Variants in LAYN observed in about 807,000 individuals in gnomAD.
LAYN encodes layilin.
Under a neutral mutation model 43.6 loss-of-function variants are expected in LAYN, and 38 were observed. That is an observed-to-expected ratio of 0.87 (90% CI 0.67 to 1.14). LAYN has a LOEUF of 1.14. LAYN is among the 50% of genes most tolerant of loss of function. LAYN has a pLI of 0.00. For missense variants in LAYN, 479 were observed against 463.8 expected, an observed-to-expected ratio of 1.03 and a Z score of -0.30; for synonymous variants, 168 against 172.9, an observed-to-expected ratio of 0.97 and a Z score of 0.22.
intron 3 of LAYN, among the ~76,000 whole-genome samples, chr11:111,553,715 T>TACACACAC (rs60878342): frequency 0.022 from 3,026 of 140,430 alleles, 46 homozygotes; most frequent in African/African-American, 0.029. Flanking sequence ...ACATCACCTA[T>TACACACAC]ACACACACAC....
chr11:111,557,279 A>G (rs1009662398), intron 5 of LAYN, among the ~76,000 whole-genome samples: 2 of 152,256 alleles, frequency 1.3e-5, no homozygotes, highest in African/African-American at 2.4e-5. Context: ...GTAATAGGAC[A>G]GGTAGAAAAT....
At chr11:111,552,924 G>A (rs1163073283) in intron 3 of LAYN, among the ~76,000 whole-genome samples, 2 of 152,008 alleles carry the variant, frequency 1.3e-5, no homozygotes, top group African/African-American at 2.4e-5. Context: ...TCGTTAGAAT[G>A]TGTTTGGTTG....
In LAYN at chr11:111,561,578, G is replaced by A. The variant is rs1867958735; in HGVS notation, c.*1120G>A. ...CTCAAATTCAGAGAAAAGTTTCTCA[G>A]CCCAGCATCAATCATATACACATTG... On this transcript the variant is annotated 3_prime_UTR_variant, in exon 7 of 7. Coordinates refer to ENST00000375614, the MANE Select transcript of LAYN (RefSeq NM_178834.5). 1.3e-5 allele frequency: 2 copies of A among 152,128 alleles called. No individual in the cohort carries two copies. Among genetic ancestry groups the A allele is most frequent in the Non-Finnish European group, 2.9e-5 (2 of 68,020 alleles). The allele number at this position is 152,128 out of a possible 1,614,324, so 9.4% of individuals were successfully genotyped here.
intron 5 of LAYN, among the ~76,000 whole-genome samples, chr11:111,556,971 A>C (rs1242795185): frequency 6.6e-6 from 1 of 152,182 alleles, no homozygotes; most frequent in East Asian, 1.9e-4. Flanking sequence ...AAATGTCAGA[A>C]AGGTTTTACA....
intron 2 of LAYN, among the ~76,000 whole-genome samples, chr11:111,545,411 C>G (rs114220458): frequency 6.6e-6 from 1 of 152,120 alleles, no homozygotes; most frequent in East Asian, 1.9e-4. Flanking sequence ...GTTGCCTTGC[C>G]CTTATCATGC....
chr11:111,560,460 A>T lies in LAYN; in HGVS notation c.*2A>T, dbSNP rs759317614. 1 of 1,593,006 alleles carries T rather than the reference A, an allele frequency of 6.3e-7. No individual in the cohort carries two copies. Among genetic ancestry groups the T allele is most frequent in the South Asian group, 1.1e-5 (1 of 87,418 alleles). On this transcript the variant is annotated 3_prime_UTR_variant, in exon 7 of 7. Transcript: ENST00000375614. ...GAAAATGAAATATATGGTTATTAGG[A>T]CATATAAAAAACTGAAACTGACAAC...
intron 6 of LAYN, among the ~76,000 whole-genome samples, chr11:111,558,618 T>C (rs902127722): frequency 6.6e-6 from 1 of 152,034 alleles, no homozygotes; most frequent in Non-Finnish European, 1.5e-5. Flanking sequence ...CTTTCCTGAC[T>C]CTCTGTTTTG....
At chr11:111,541,416 C>T in intron 1 of LAYN, 1 of 728,304 alleles carries the variant, frequency 1.4e-6, no homozygotes, top group Non-Finnish European at 2.4e-6. Flanking sequence ...TACTCCTCGT[C>T]TCTTCTGCGG....
chr11:111,560,246 A>C lies in LAYN; in HGVS notation c.913A>C (p.Ile305Leu). 6.2e-7 allele frequency: 1 copy of C among 1,614,190 alleles called. No individual in the cohort carries two copies. Among genetic ancestry groups the C allele is most frequent in the Non-Finnish European group, 8.5e-7 (1 of 1,180,020 alleles). Residue 305 changes from isoleucine to leucine, a missense_variant, in exon 7 of 7, where the codon ATT (isoleucine) becomes CTT (leucine). Ile to Leu is a conservative substitution (Grantham distance 5, BLOSUM62 2). Coordinates refer to ENST00000375614, the MANE Select transcript of LAYN (RefSeq NM_178834.5). ...TGAGACCCGGCCAGACCTGAAGAATATTTCATTCCGAGTGTGTTCGGGAGA... is the reference window on the plus strand; with the variant it reads ...TGAGACCCGGCCAGACCTGAAGAATCTTTCATTCCGAGTGTGTTCGGGAGA... ...LAETRPDLKN[I>L]SFRVCSGEAT...
chr11:111,553,068 C>G (rs1444888435), intron 3 of LAYN, among the ~76,000 whole-genome samples: 1 of 151,954 alleles, frequency 6.6e-6, no homozygotes, highest in Non-Finnish European at 1.5e-5. Context: ...CTGTGAAACC[C>G]CGTCTCTACT....
intron 5 of LAYN, 107 bp downstream of exon 5, chr11:111,555,397 T>C (rs1280340837): frequency 2.6e-6 from 2 of 775,542 alleles, no homozygotes; most frequent in Non-Finnish European, 4.3e-6. Context: ...TACCTAAAAA[T>C]AGAACTAGAC....
chr11:111,541,058 C>G, intron 1 of LAYN, 130 bp downstream of exon 1: 3 of 821,802 alleles, frequency 3.7e-6, no homozygotes, highest in Non-Finnish European at 5.6e-6. Context: ...CCAGACGCAG[C>G]CCTTCGGAGT....
At chr11:111,553,197 C>T (rs990449744) in intron 3 of LAYN, among the ~76,000 whole-genome samples, 1 of 151,432 alleles carries the variant, frequency 6.6e-6, no homozygotes, top group Admixed American at 6.6e-5. Context: ...GAGCCGAGAT[C>T]GCGCCACTGG....
Position 111,560,205 on chromosome 11 carries a change from G to T in LAYN, c.872G>T (p.Ser291Ile). The change falls in exon 7 of 7, where the codon AGC (serine) becomes ATC (isoleucine). Residue 291 changes from serine (S) to isoleucine (I), a missense_variant. Physicochemically the swap from Ser to Ile is moderately radical, Grantham distance 142 (BLOSUM62 -2). Transcript: ENST00000375614. The part of the protein sequence containing the change: ...LEVYNVIRKQ[S>I]EADLAETRPD... ...GTCTACAATGTCATAAGAAAACAAA[G>T]CGAAGCTGACTTAGCTGAGACCCGG... 1.9e-6 allele frequency: 3 copies of T among 1,614,216 alleles called. No homozygotes were observed. The highest frequency in any genetic ancestry group is 2.5e-6 in the Non-Finnish European group (3 of 1,180,042).
At chr11:111,549,994 G>A (rs1867715813) in intron 3 of LAYN, among the ~76,000 whole-genome samples, 1 of 152,212 alleles carries the variant, frequency 6.6e-6, no homozygotes, top group South Asian at 2.1e-4. Context: ...GTTAAGAGAA[G>A]GGATGAGAAA....
chr11:111,549,135 C>T (rs1591566653), intron 2 of LAYN, among the ~76,000 whole-genome samples: 2 of 152,314 alleles, frequency 1.3e-5, no homozygotes, highest in East Asian at 3.9e-4. Flanking sequence ...ATGTCTTGCT[C>T]ATGTGCTTGA....
chr11:111,557,587 T>G lies in LAYN; in HGVS notation c.705T>G (p.Leu235=), dbSNP rs944848508. 5 of 1,614,086 alleles carry G rather than the reference T, an allele frequency of 3.1e-6. No individual in the cohort carries two copies. The highest frequency in any genetic ancestry group is 4.2e-6 in the Non-Finnish European group (5 of 1,180,042). ...ACATCCTAATCCCCAGCATTCCCCTTCTCCTCCTCCTTGTGGTCACCACAG... is the reference window on the plus strand; with the variant it reads ...ACATCCTAATCCCCAGCATTCCCCTGCTCCTCCTCCTTGTGGTCACCACAG... ...LAYILIPSIP[L]LLLLVVTTVV... is the part of the protein sequence containing the mutation. Residue 235 remains leucine (L), a synonymous_variant, in exon 6 of 7, where the codon CTT becomes CTG. Transcript: ENST00000375614.
At chr11:111,553,715 T>TACATAC (rs1867783328) in intron 3 of LAYN, among the ~76,000 whole-genome samples, 1 of 140,398 alleles carries the variant, frequency 7.1e-6, no homozygotes, top group South Asian at 2.4e-4. Flanking sequence ...ACATCACCTA[T>TACATAC]ACACACACAC....
At chr11:111,544,858 A>G (rs1025911290) in intron 2 of LAYN, among the ~76,000 whole-genome samples, 6 of 152,260 alleles carry the variant, frequency 3.9e-5, no homozygotes, top group Non-Finnish European at 5.9e-5. Context: ...TCTTTTTATG[A>G]TAAAGAGTTT....
Sources: allele counts gnomAD v4.1 joint callset (sites outside exome capture counted in the v4.1 genomes callset), GRCh38; gene constraint gnomAD v4.1.1; transcripts MANE v1.5; gene names NCBI Gene and HGNC (gene_info 2026-07-23, HGNC 2026-07-21).